Variants in B3GAT2 observed in about 807,000 individuals in gnomAD.
The protein encoded by B3GAT2 is beta-1,3-glucuronyltransferase 2, also known as galactosylgalactosylxylosylprotein 3-beta-glucuronosyltransferase 2.
Under a neutral mutation model 27.8 loss-of-function variants are expected in B3GAT2, and 26 were observed. The ratio of observed to expected loss-of-function variants is 0.93; its 90% CI spans 0.68 to 1.30. B3GAT2 has a LOEUF of 1.30. Among genes scored for constraint, B3GAT2 ranks in the 50% most tolerant of loss-of-function variants. The pLI, the probability that B3GAT2 is intolerant of heterozygous loss-of-function variation, is 0.00. For synonymous variants in B3GAT2, 218 were observed against 195.1 expected, an observed-to-expected ratio of 1.12 and a Z score of -0.98; for missense variants, 458 against 459.0, an observed-to-expected ratio of 1.00 and a Z score of 0.02.
rs2150019573 is a variant in B3GAT2, at chr6:70,861,709, G to A, written c.926C>T (p.Ala309Val). ...WHTRTEKVNLANEPKYHLDTV... is the reference protein window; with the variant it reads ...WHTRTEKVNLVNEPKYHLDTV... ...GTCCAGGTGGTACTTTGGCTCGTTGGCTAGATTAACCTTCTCTGTCCGAGT... is the reference window on the plus strand; with the variant it reads ...GTCCAGGTGGTACTTTGGCTCGTTGACTAGATTAACCTTCTCTGTCCGAGT... Residue 309 changes from alanine (A) to valine (V), a missense_variant, in exon 4 of 4, where the codon GCC becomes GTC. By Grantham distance (64) the Ala-to-Val change is moderately conservative (BLOSUM62 0). Coordinates refer to ENST00000230053, the MANE Select transcript of B3GAT2 (RefSeq NM_080742.3). 1.2e-6 allele frequency: 2 copies of A among 1,614,042 alleles called. No individual in the cohort carries two copies. Among genetic ancestry groups the A allele is most frequent in the Non-Finnish European group, 1.7e-6 (2 of 1,179,970 alleles).
At chr6:70,940,047 A>G (rs2150049078) in intron 1 of B3GAT2, among the ~76,000 whole-genome samples, 1 of 152,192 alleles carries the variant, frequency 6.6e-6, no homozygotes, top group Non-Finnish European at 1.5e-5. Context: ...TTCTTGCCAG[A>G]AACTGAAATG....
At chr6:70,886,065 G>C (rs957062285) in intron 2 of B3GAT2, among the ~76,000 whole-genome samples, 1 of 152,168 alleles carries the variant, frequency 6.6e-6, no homozygotes, top group African/African-American at 2.4e-5. Context: ...TCTACTCCTG[G>C]CTGCTTTGCA....
intron 2 of B3GAT2, among the ~76,000 whole-genome samples, chr6:70,888,307 C>T (rs1772224462): frequency 1.3e-5 from 2 of 151,864 alleles, no homozygotes; most frequent in Admixed American, 6.6e-5. Context: ...AATTACCCAA[C>T]ATCACTGTAT....
chr6:70,929,160 T>C (rs1414901934), intron 1 of B3GAT2, among the ~76,000 whole-genome samples: 2 of 147,296 alleles, frequency 1.4e-5, no homozygotes, highest in Admixed American at 6.9e-5. Flanking sequence ...AATTGAACAA[T>C]GAGAACACTT....
chr6:70,925,781 C>A (rs1322330574), intron 1 of B3GAT2, among the ~76,000 whole-genome samples: 1 of 152,228 alleles, frequency 6.6e-6, no homozygotes, highest in Non-Finnish European at 1.5e-5. Flanking sequence ...TGTCTGACAG[C>A]TTTGAAGAGA....
At chr6:70,923,078 AC>A (rs1246667238) in intron 1 of B3GAT2, among the ~76,000 whole-genome samples, 1 of 152,200 alleles carries the variant, frequency 6.6e-6, no homozygotes, top group Non-Finnish European at 1.5e-5. Flanking sequence ...ATAAATAAGT[AC>A]CATATAAGTG....
chr6:70,880,079 C>CGGGGGG (rs1772076463), intron 2 of B3GAT2, among the ~76,000 whole-genome samples: 1 of 2,972 alleles, frequency 3.4e-4, no homozygotes, highest in Non-Finnish European at 6.2e-4. Flanking sequence ...GATGACGGGG[C>CGGGGGG]GTGGGGGTGG....
chr6:70,925,602 G>T (rs1379248534), intron 1 of B3GAT2, among the ~76,000 whole-genome samples: 1 of 152,196 alleles, frequency 6.6e-6, no homozygotes, highest in Non-Finnish European at 1.5e-5. Flanking sequence ...TGGGGGAGGG[G>T]CGTCTGCCAT....
intron 1 of B3GAT2, among the ~76,000 whole-genome samples, chr6:70,934,789 T>C (rs1405762054): frequency 6.6e-6 from 1 of 152,184 alleles, no homozygotes; most frequent in Non-Finnish European, 1.5e-5. Context: ...AAATTCTATC[T>C]CTAGCAATCT....
chr6:70,910,219 C>T (rs1239202375), intron 1 of B3GAT2, among the ~76,000 whole-genome samples: 1 of 152,056 alleles, frequency 6.6e-6, no homozygotes, highest in Non-Finnish European at 1.5e-5. Flanking sequence ...GGTCCATGTG[C>T]AGGTTTGTTA....
chr6:70,912,587 T>C (rs1417148877), intron 1 of B3GAT2, among the ~76,000 whole-genome samples: 2 of 152,112 alleles, frequency 1.3e-5, no homozygotes, highest in African/African-American at 4.8e-5. Context: ...GACTTGAGGT[T>C]TTCTTTTTAT....
intron 1 of B3GAT2, among the ~76,000 whole-genome samples, chr6:70,929,367 A>G (rs1773021481): frequency 6.6e-6 from 1 of 152,168 alleles, no homozygotes; most frequent in Admixed American, 6.5e-5. Flanking sequence ...ATTTAAAAAA[A>G]GAAATAAAAG....
intron 2 of B3GAT2, among the ~76,000 whole-genome samples, chr6:70,886,523 G>A (rs1772189953): frequency 6.6e-6 from 1 of 152,116 alleles, no homozygotes; most frequent in African/African-American, 2.4e-5. Flanking sequence ...TAAATGCAGA[G>A]CTGCTAGAAT....
chr6:70,859,592 C>T lies in B3GAT2; in HGVS notation c.*2071G>A, dbSNP rs1311995385. ...TATATGGTAAATCTTGCCTTTCCTT[C>T]TCTTATCACCAATTTTGGAAGTAAG... On this transcript the variant is annotated 3_prime_UTR_variant, in exon 4 of 4. Coordinates refer to ENST00000230053, the MANE Select transcript of B3GAT2 (RefSeq NM_080742.3). 1.5e-5 allele frequency: 6 copies of T among 410,094 alleles called. No individual in the cohort carries two copies. The highest frequency in any genetic ancestry group is 1.0e-4 in the African/African-American group (5 of 48,922). 25.4% of individuals were successfully genotyped at this position (410,094 alleles called of 1,614,324 possible). A position where few individuals can be genotyped will look rare whatever the true frequency, so the allele number is the denominator to read the frequency against.
At chr6:70,925,029 A>T (rs2504743) in intron 1 of B3GAT2, among the ~76,000 whole-genome samples, 71,943 of 152,146 alleles carry the variant, frequency 0.47, 17,563 homozygotes, top group East Asian at 0.69. Context: ...CCTGCCAACC[A>T]GTCCTGCGGC....
chr6:70,857,124 C>A lies in B3GAT2; in HGVS notation c.*4539G>T. On this transcript the variant is annotated 3_prime_UTR_variant, in exon 4 of 4. Transcript: ENST00000230053. The stretch of plus-strand genomic sequence containing the variant: ...ATCAATTATATATCTTTTATTGTTC[C>A]ATGTAGTGAGTGCTTTTGTTGTTGC... 1 of 1,251,280 alleles carries A rather than the reference C, an allele frequency of 8.0e-7. No homozygotes were observed. The highest frequency in any genetic ancestry group is 1.1e-6 in the Non-Finnish European group (1 of 937,200). 77.5% of individuals were successfully genotyped at this position (1,251,280 alleles called of 1,614,324 possible). A position where few individuals can be genotyped will look rare whatever the true frequency, so the allele number is the denominator to read the frequency against.
At chr6:70,941,235 GA>G (rs1765387518) in intron 1 of B3GAT2, among the ~76,000 whole-genome samples, 6 of 152,240 alleles carry the variant, frequency 3.9e-5, no homozygotes, top group Middle Eastern at 3.4e-3. Context: ...AGAACATTTA[GA>G]GGCACTTAAC....
Position 70,856,936 on chromosome 6 carries a change from T to G in B3GAT2, c.*4727A>C, listed in dbSNP as rs921143385. On this transcript the variant is annotated 3_prime_UTR_variant, in exon 4 of 4. Transcript: ENST00000230053. ...ATCTAGATTTATTCACTGAGCAAAC[T>G]ACAAAATCAGAAGAAGTGGCAAAGA... 3 of 1,614,016 alleles carry G rather than the reference T, an allele frequency of 1.9e-6. No homozygotes were observed. Among genetic ancestry groups the G allele is most frequent in the Middle Eastern group, 3.3e-4 (2 of 6,062 alleles).
intron 2 of B3GAT2, among the ~76,000 whole-genome samples, chr6:70,893,275 G>A (rs2150031226): frequency 6.6e-6 from 1 of 152,274 alleles, no homozygotes; most frequent in East Asian, 1.9e-4. Context: ...CTACGGCTGG[G>A]AAATATGCAC....
Sources: allele counts gnomAD v4.1 joint callset (sites outside exome capture counted in the v4.1 genomes callset), GRCh38; gene constraint gnomAD v4.1.1; transcripts MANE v1.5; gene names NCBI Gene and HGNC (gene_info 2026-07-23, HGNC 2026-07-21).